DNAH11: variants seen among roughly 807,000 people sequenced by gnomAD.
DNAH11 encodes axonemal beta dynein heavy chain 11.
Under a neutral mutation model 526.0 loss-of-function variants are expected in DNAH11, and 442 were observed. The observed-to-expected ratio is 0.84, with a 90% CI of 0.78 to 0.91. DNAH11 has a LOEUF of 0.91. DNAH11 is among the 40% of genes least tolerant of loss of function. DNAH11 has a pLI of 0.00. For synonymous variants in DNAH11, 2,461 were observed against 1,935.9 expected (o/e 1.27, Z -7.12); for missense variants, 6,989 against 5,448.7 (o/e 1.28, Z -8.90).
At chr7:21,799,250 C>G (rs188447434) in intron 61 of DNAH11, among the ~76,000 whole-genome samples, 47 of 152,264 alleles carry the variant, frequency 3.1e-4, no homozygotes, top group Admixed American at 1.4e-3. Context: ...AGTCTGATAC[C>G]AGAGCCTTCG....
At chr7:21,609,034 G>A (rs749383172) in intron 20 of DNAH11, among the ~76,000 whole-genome samples, 3 of 152,146 alleles carry the variant, frequency 2.0e-5, no homozygotes, top group Non-Finnish European at 4.4e-5. Flanking sequence ...CAGTCCACAA[G>A]ACAGAAAACA....
chr7:21,681,519 T>C, intron 30 of DNAH11, 27 bp from the exon 31 acceptor site: 1 of 1,607,710 alleles, frequency 6.2e-7, no homozygotes, highest in Non-Finnish European at 8.5e-7. Context: ...AACCCTTCTC[T>C]CCTTTTTAAA....
chr7:21,621,848 C>A (rs1417248820), intron 25 of DNAH11, among the ~76,000 whole-genome samples: 1 of 151,980 alleles, frequency 6.6e-6, no homozygotes, highest in Non-Finnish European at 1.5e-5. Flanking sequence ...TATGACAAAC[C>A]CACAGCCAAT....
Position 21,758,981 on chromosome 7 carries a change from C to T in DNAH11, c.8941-6447C>T, listed in dbSNP as rs531406839. Among the ~76,000 whole-genome samples the T allele has an allele frequency of 5.3e-5, 8 of 152,284 alleles. No homozygotes were observed. The South Asian group carries it at 6.2e-4, about 12-fold the overall frequency. On this transcript the variant is annotated intron_variant, in intron 54 of 81. Coordinates refer to ENST00000409508, the MANE Select transcript of DNAH11 (RefSeq NM_001277115.2). ...AACTTGGCATGACACAATTCGAATA[C>T]GGGGCTATCCAGAAGAAAGAAAAAT...
At chr7:21,635,829 C>G in intron 25 of DNAH11, 42 bp from the exon 26 acceptor site, 1 of 1,515,290 alleles carries the variant, frequency 6.6e-7, no homozygotes, top group Non-Finnish European at 8.9e-7. Context: ...TCACATTCTA[C>G]TAAATTTAGC....
intron 44 of DNAH11, among the ~76,000 whole-genome samples, chr7:21,722,242 C>A (rs542871555): frequency 6.6e-6 from 1 of 152,154 alleles, no homozygotes; most frequent in Non-Finnish European, 1.5e-5. Context: ...CCCAAAGTCA[C>A]GCTGATGGGA....
intron 58 of DNAH11, among the ~76,000 whole-genome samples, chr7:21,785,020 C>G (rs1788112286): frequency 6.6e-6 from 1 of 152,192 alleles, no homozygotes; most frequent in African/African-American, 2.4e-5. Flanking sequence ...GTTTGTGAAA[C>G]CTCCCTAAGC....
chr7:21,608,916 T>G (rs1176840869), intron 20 of DNAH11, among the ~76,000 whole-genome samples: 1 of 152,218 alleles, frequency 6.6e-6, no homozygotes, highest in Non-Finnish European at 1.5e-5. Flanking sequence ...ATGTTCTTGG[T>G]GTGTTTGTTC....
Position 21,570,224 on chromosome 7 carries a change from G to C in DNAH11, c.1350G>C (p.Leu450=). The C allele has an allele frequency of 6.2e-7, 1 of 1,613,400 alleles. No homozygotes were observed. The highest frequency in any genetic ancestry group is 8.5e-7 in the Non-Finnish European group (1 of 1,179,706). The change falls in exon 7 of 82, where the codon CTG becomes CTC. Residue 450 remains leucine (L), a synonymous_variant. Coordinates refer to ENST00000409508, the MANE Select transcript of DNAH11 (RefSeq NM_001277115.2). ...KLASYFMGRK[L]RPWDFQSHLV... is the part of the protein sequence containing the mutation. ...CAAGCTACTTTATGGGAAGAAAGCT[G>C]AGACCATGGGATTTCCAGTCTCATC...
rs577799442 is a variant in DNAH11, at chr7:21,610,999, A to G, written c.3853-4115A>G. Among the ~76,000 whole-genome samples the G allele has an allele frequency of 1.4e-3, 206 of 152,316 alleles. 2 individuals are homozygous for G. In the South Asian group the frequency reaches 0.04, roughly 30 times the overall value. ...GTTAAATTTAGGTGTCAACCTGACT[A>G]GATTAAGGGATACCTACAGAGCTGG... On this transcript the variant is annotated intron_variant, in intron 20 of 81. Transcript: ENST00000409508.
intron 65 of DNAH11, among the ~76,000 whole-genome samples, chr7:21,828,869 G>A (rs1790424880): frequency 6.6e-6 from 1 of 151,402 alleles, no homozygotes; most frequent in South Asian, 2.1e-4. Flanking sequence ...TATCTTAGAA[G>A]GGCGTGTTGG....
rs1359676837 is a variant in DNAH11, at chr7:21,707,854, A to G, written c.6683+19A>G. The G allele has an allele frequency of 6.4e-7, 1 of 1,554,412 alleles. No homozygotes were observed. The highest frequency in any genetic ancestry group is 2.3e-5 in the East Asian group (1 of 44,100). ...ATGGCAAGTAGTATTTCCCCTTTAG[A>G]AGTGCTCAATTTTTTTTTTCTATCC... is the stretch of plus-strand genomic sequence containing the variant. On this transcript the variant is annotated intron_variant, in intron 40 of 81. Coordinates refer to ENST00000409508, the MANE Select transcript of DNAH11 (RefSeq NM_001277115.2).
At chr7:21,616,183 A>G in intron 21 of DNAH11, 26 bp from the exon 22 acceptor site, 2 of 1,591,280 alleles carry the variant, frequency 1.3e-6, no homozygotes, top group Non-Finnish European at 1.7e-6. Flanking sequence ...TGTTGTTGAC[A>G]CTTTTATCTG....
Position 21,767,628 on chromosome 7 carries a change from A to G in DNAH11, c.9102+2039A>G, listed in dbSNP as rs544515227. On this transcript the variant is annotated intron_variant, in intron 55 of 81. Transcript: ENST00000409508. ...TTGAACTGAATTGTGCCTCAAAACA[A>G]ATGAGTCAGATGATTTCATTTCAGT... Among the ~76,000 whole-genome samples, 31 of 152,290 alleles carry G rather than the reference A, an allele frequency of 2.0e-4. No individual in the cohort carries two copies. The South Asian group carries it at 5.4e-3, about 27-fold the overall frequency.
intron 68 of DNAH11, among the ~76,000 whole-genome samples, chr7:21,859,921 T>C (rs967133471): frequency 2.0e-5 from 3 of 152,016 alleles, no homozygotes; most frequent in Non-Finnish European, 4.4e-5. Context: ...AACCAGATTT[T>C]AAAATAAGGA....
intron 58 of DNAH11, among the ~76,000 whole-genome samples, chr7:21,785,287 A>G (rs1247675055): frequency 1.3e-5 from 2 of 152,212 alleles, no homozygotes; most frequent in South Asian, 2.1e-4. Flanking sequence ...TTTGAAGAAA[A>G]TAATTTTGAC....
chr7:21,543,692 C>T (rs1782680049), intron 1 of DNAH11, 96 bp downstream of exon 1: 1 of 1,380,362 alleles, frequency 7.2e-7, no homozygotes, highest in Non-Finnish European at 9.7e-7. Flanking sequence ...GGGGCGCTCA[C>T]TCGGGCACTT....
In DNAH11 at chr7:21,591,587, T is replaced by C. The variant is rs1033056389; in HGVS notation, c.2667+10T>C. On this transcript the variant is annotated intron_variant, in intron 14 of 81. Transcript: ENST00000409508. ...CCACAACTTGGTCGAGGTAATGGCT[T>C]TTAACCTTTCAAGATTTATAGATCT... is the stretch of plus-strand genomic sequence containing the variant. 3 of 1,517,522 alleles carry C rather than the reference T, an allele frequency of 2.0e-6. No homozygotes were observed. In the African/African-American group the frequency reaches 4.2e-5, roughly 21 times the overall value. The allele number at this position is 1,517,522 out of a possible 1,614,324, so 94.0% of individuals were successfully genotyped here.
chr7:21,773,721 TAA>T, intron 55 of DNAH11, 43 bp from the exon 56 acceptor site: 1 of 1,279,178 alleles, frequency 7.8e-7, no homozygotes, highest in Non-Finnish European at 1.0e-6. Flanking sequence ...GTTGTATTTT[TAA>T]TTTGAGAGGA....
Sources: allele counts gnomAD v4.1 joint callset (sites outside exome capture counted in the v4.1 genomes callset), GRCh38; gene constraint gnomAD v4.1.1; transcripts MANE v1.5; gene names NCBI Gene and HGNC (gene_info 2026-07-23, HGNC 2026-07-21).